PLEKHD1: variants seen among roughly 807,000 people sequenced by gnomAD.
The protein encoded by PLEKHD1 is pleckstrin homology and coiled-coil domain containing D1.
In PLEKHD1, 51 loss-of-function variants were observed where a neutral mutation model predicts 69.2. That is an observed-to-expected ratio of 0.74 (90% CI 0.59 to 0.93). The LOEUF is 0.93. Among genes scored for constraint, PLEKHD1 ranks in the 40% least tolerant of loss-of-function variants. PLEKHD1 has a pLI of 0.00. For missense variants in PLEKHD1, 584 were observed against 641.0 expected (o/e 0.91, Z 0.96); for synonymous variants, 236 against 244.7 (o/e 0.96, Z 0.33).
At position 69,528,232 on chromosome 14, in the gene PLEKHD1, G is replaced by T; in HGVS notation, c.1352-18G>T. On this transcript the variant is annotated intron_variant, in intron 12 of 12. Coordinates refer to ENST00000322564, the MANE Select transcript of PLEKHD1 (RefSeq NM_001161498.2). The stretch of plus-strand genomic sequence containing the variant: ...AGGGAGCACTGTTCACAGGGCTGTT[G>T]GGCTCCTGTTTCCCCAGTGAAGCCG... 1 of 1,551,448 alleles carries T rather than the reference G, an allele frequency of 6.4e-7. No individual in the cohort carries two copies.
At chr14:69,524,151 A>T (rs1883584296) in intron 7 of PLEKHD1, 78 bp from the exon 8 acceptor site, 1 of 1,207,308 alleles carries the variant, frequency 8.3e-7, no homozygotes, top group African/African-American at 1.5e-5. Context: ...GTGAAGCAAA[A>T]GCATTTCTAA....
At chr14:69,517,994 T>TTTTA (rs572500099) in intron 6 of PLEKHD1, among the ~76,000 whole-genome samples, 1,467 of 126,784 alleles carry the variant, frequency 0.012, 15 homozygotes, top group African/African-American at 0.032. Context: ...CCTGATCTGA[T>TTTTA]TTTATTTATT....
At position 69,527,222 on chromosome 14, in the gene PLEKHD1, G is replaced by A. The variant is rs576896120; in HGVS notation, c.1091G>A (p.Arg364His). 3.3e-5 allele frequency: 51 copies of A among 1,551,538 alleles called. No homozygotes were observed. In the East Asian group the frequency reaches 3.7e-4, roughly 11 times the overall value. ...AAGGTCCGCATGGACCTGGAGAGGC[G>A]TCTCCGGGAGGCAGAAGGGGCCTTG... ...EVKVRMDLER[R>H]LREAEGALRS... The change falls in exon 11 of 13, where the codon CGT becomes CAT. Residue 364 changes from arginine to histidine, a missense_variant. Transcript: ENST00000322564.
chr14:69,510,664 A>G (rs969164135), intron 6 of PLEKHD1, among the ~76,000 whole-genome samples: 1 of 152,216 alleles, frequency 6.6e-6, no homozygotes. Context: ...CAATTCTTCC[A>G]GATTTTCTAT....
chr14:69,530,888 A>C lies in PLEKHD1; in HGVS notation c.*2469A>C, dbSNP rs1418374049. On this transcript the variant is annotated 3_prime_UTR_variant, in exon 13 of 13. Transcript: ENST00000322564. ...GGCCAAATCACCTCTTAAATGTTCC[A>C]CCTCTTGCGGATCACCTGAGGTCAG... 6.6e-6 allele frequency: 1 copy of C among 152,122 alleles called. No homozygotes were observed. The highest frequency in any genetic ancestry group is 1.5e-5 in the Non-Finnish European group (1 of 68,018). 9.4% of individuals were successfully genotyped at this position (152,122 alleles called of 1,614,324 possible). A position where few individuals can be genotyped will look rare whatever the true frequency, so the allele number is the denominator to read the frequency against.
intron 6 of PLEKHD1, among the ~76,000 whole-genome samples, chr14:69,514,892 G>A (rs1255953671): frequency 6.6e-6 from 1 of 152,080 alleles, no homozygotes; most frequent in Non-Finnish European, 1.5e-5. Context: ...TGGTATAATC[G>A]TTTATGGCAG....
chr14:69,489,959 C>T (rs991181061), intron 1 of PLEKHD1, among the ~76,000 whole-genome samples: 1 of 152,148 alleles, frequency 6.6e-6, no homozygotes, highest in Non-Finnish European at 1.5e-5. Context: ...CTCTGCCTCC[C>T]AGGTTCAAGG....
chr14:69,516,049 C>A (rs891885838), intron 6 of PLEKHD1, among the ~76,000 whole-genome samples: 2 of 152,130 alleles, frequency 1.3e-5, no homozygotes, highest in Non-Finnish European at 2.9e-5. Flanking sequence ...CACTATGTTG[C>A]CCAGGATGGT....
intron 1 of PLEKHD1, among the ~76,000 whole-genome samples, chr14:69,498,627 T>TCTTCC (rs896513891): frequency 6.7e-5 from 10 of 149,430 alleles, no homozygotes; most frequent in African/African-American, 1.2e-4. Flanking sequence ...TCTTCTCTTC[T>TCTTCC]CTTCTCTTCT....
chr14:69,503,609 T>G (rs1168572393), intron 6 of PLEKHD1: 1 of 144,112 alleles, frequency 6.9e-6, no homozygotes, highest in East Asian at 2.0e-4. Context: ...GAGAATGGCG[T>G]GAACCCGGGA....
upstream of PLEKHD1, among the ~76,000 whole-genome samples, chr14:69,482,121 T>C (rs1882551900): frequency 6.6e-6 from 1 of 152,242 alleles, no homozygotes; most frequent in South Asian, 2.1e-4. Context: ...TAACTGCTAT[T>C]ATCTGAGGTC....
chr14:69,517,425 A>G (rs147449322), intron 6 of PLEKHD1, among the ~76,000 whole-genome samples: 48 of 152,120 alleles, frequency 3.2e-4, no homozygotes, highest in African/African-American at 1.0e-3. Flanking sequence ...GACAGGTATC[A>G]ACATAGGAGT....
At chr14:69,488,088 G>A (rs576398092) in intron 1 of PLEKHD1, among the ~76,000 whole-genome samples, 8 of 152,252 alleles carry the variant, frequency 5.3e-5, no homozygotes, top group Non-Finnish European at 1.0e-4. Flanking sequence ...ACCGAGCTCC[G>A]CAGTTTACTC....
intron 1 of PLEKHD1, among the ~76,000 whole-genome samples, chr14:69,496,702 A>ATTTTTT (rs375368521): frequency 0.015 from 1,672 of 112,844 alleles, 79 homozygotes; most frequent in African/African-American, 0.057. Flanking sequence ...TGCCCAGCTA[A>ATTTTTT]TTTTTTTTTT....
chr14:69,495,895 A>T (rs1295504979), intron 1 of PLEKHD1, among the ~76,000 whole-genome samples: 1 of 152,156 alleles, frequency 6.6e-6, no homozygotes, highest in Admixed American at 6.5e-5. Flanking sequence ...TGACATCTCT[A>T]TGTCTCATTT....
chr14:69,528,039 C>T lies in PLEKHD1; in HGVS notation c.1351+107C>T. The T allele has an allele frequency of 7.3e-6, 11 of 1,515,914 alleles. No individual in the cohort carries two copies. The South Asian group carries it at 1.1e-4, about 15-fold the overall frequency. 93.9% of individuals were successfully genotyped at this position (1,515,914 alleles called of 1,614,324 possible). A position where few individuals can be genotyped will look rare whatever the true frequency, so the allele number is the denominator to read the frequency against. Reference sequence around the variant, plus strand: ...CAGCTCTGAGGCTGGAGAGTGTGGCCTTGAACCTGGCCCCACCATCCTTGG... The same window carrying T: ...CAGCTCTGAGGCTGGAGAGTGTGGCTTTGAACCTGGCCCCACCATCCTTGG... On this transcript the variant is annotated intron_variant, in intron 12 of 12. Coordinates refer to ENST00000322564, the MANE Select transcript of PLEKHD1 (RefSeq NM_001161498.2).
intron 1 of PLEKHD1, among the ~76,000 whole-genome samples, chr14:69,491,635 C>T (rs537725281): frequency 1.3e-5 from 2 of 152,246 alleles, no homozygotes; most frequent in Admixed American, 1.3e-4. Context: ...CAGGACCTGC[C>T]CAACATAGAA....
intron 8 of PLEKHD1, among the ~76,000 whole-genome samples, chr14:69,525,419 T>G (rs1299250375): frequency 7.9e-5 from 12 of 152,112 alleles, no homozygotes. Context: ...TCTGCTTCTG[T>G]GTAATGCCAT....
chr14:69,524,368 G>T, intron 8 of PLEKHD1, 46 bp downstream of exon 8: 1 of 1,472,268 alleles, frequency 6.8e-7, no homozygotes, highest in South Asian at 1.2e-5. Context: ...CAGGCTGGTT[G>T]GTTGGACCAC....
Sources: allele counts gnomAD v4.1 joint callset (sites outside exome capture counted in the v4.1 genomes callset), GRCh38; gene constraint gnomAD v4.1.1; transcripts MANE v1.5; gene names NCBI Gene and HGNC (gene_info 2026-07-23, HGNC 2026-07-21).